The following TNC variants were observed in gnomAD, a reference collection of about 807,000 sequenced individuals.
TNC encodes the protein tenascin C.
Under a neutral mutation model 202.4 loss-of-function variants are expected in TNC, and 109 were observed. The observed-to-expected ratio is 0.54, with a 90% CI of 0.46 to 0.63. The LOEUF (loss-of-function observed/expected upper bound fraction) is 0.63. TNC is among the 30% of genes least tolerant of loss of function. TNC has a pLI of 0.00. For missense variants in TNC, 2,756 were observed against 2,833.3 expected, an observed-to-expected ratio of 0.97 and a Z score of 0.62; for synonymous variants, 1,007 against 1,089.7, an observed-to-expected ratio of 0.92 and a Z score of 1.50.
At chr9:115,093,334 A>G (rs1835373240) in intron 1 of TNC, among the ~76,000 whole-genome samples, 1 of 152,214 alleles carries the variant, frequency 6.6e-6, no homozygotes, top group Admixed American at 6.5e-5. Context: ...AACAACAACA[A>G]AAACAAAGAA....
Position 115,029,443 on chromosome 9 carries a change from C to A in TNC, c.6086G>T (p.Arg2029Leu). Residue 2029 changes from arginine (R) to leucine (L), a missense_variant, in exon 25 of 28, where the codon CGC (arginine) becomes CTC (leucine). Coordinates refer to ENST00000350763, the MANE Select transcript of TNC (RefSeq NM_002160.4). ...GTAGAAGTTCTCGCGTCCGTTTTTG[C>A]GTCTCAGGAACACCTATAAACATAT... is the stretch of plus-strand genomic sequence containing the variant. Reference protein sequence around the residue: ...DGGGWIVFLRRKNGRENFYQN... With the variant: ...DGGGWIVFLRLKNGRENFYQN... The A allele has an allele frequency of 6.2e-7, 1 of 1,614,040 alleles. No homozygotes were observed.
At chr9:115,027,838 C>A (rs1334494852) in intron 25 of TNC, among the ~76,000 whole-genome samples, 1 of 152,016 alleles carries the variant, frequency 6.6e-6, no homozygotes, top group Non-Finnish European at 1.5e-5. Context: ...ATTGGTTAGA[C>A]TCCTATGGGC....
intron 16 of TNC, among the ~76,000 whole-genome samples, chr9:115,047,552 C>T (rs953673441): frequency 1.2e-4 from 18 of 152,110 alleles, no homozygotes; most frequent in African/African-American, 3.6e-4. Flanking sequence ...TCTGAAAAGC[C>T]GTGCAGTTAA....
intron 10 of TNC, among the ~76,000 whole-genome samples, chr9:115,073,209 A>C (rs943165135): frequency 2.0e-5 from 3 of 152,262 alleles, no homozygotes; most frequent in African/African-American, 7.2e-5. Context: ...CATCTTGGTC[A>C]TCTTTAAATG....
chr9:115,066,555 A>G (rs1554805106), intron 10 of TNC, among the ~76,000 whole-genome samples: 3 of 152,148 alleles, frequency 2.0e-5, no homozygotes, highest in Non-Finnish European at 4.4e-5. Context: ...TCTGGGGAAC[A>G]TTCTTCCTGC....
At position 115,070,046 on chromosome 9, in the gene TNC, G is replaced by A. The variant is rs75631138; in HGVS notation, c.3214+3557C>T. Among the ~76,000 whole-genome samples, 542 of 151,936 alleles carry A rather than the reference G, an allele frequency of 3.6e-3. 2 individuals carry two copies. Among genetic ancestry groups the A allele is most frequent in the African/African-American group, 0.013 (520 of 41,440 alleles). ...CTCATGAAGCTCATACCACATACTT[G>A]TCTGCCTTCAGGGCACTGGGATTCA... On this transcript the variant is annotated intron_variant, in intron 10 of 27. Coordinates refer to ENST00000350763, the MANE Select transcript of TNC (RefSeq NM_002160.4).
In TNC at chr9:115,087,038, G is replaced by A. The variant is rs769090541; in HGVS notation, c.693C>T (p.Cys231=). Reference sequence around the variant, plus strand: ...CGAAACAGATGCAGACTCCATTTACGCACTTGCCCTGGTCATTGCAGTCGC... The same window carrying A: ...CGAAACAGATGCAGACTCCATTTACACACTTGCCCTGGTCATTGCAGTCGC... ...CPSDCNDQGK[C]VNGVCICFEG... The change falls in exon 3 of 28, where the codon TGC becomes TGT. Residue 231 remains cysteine (C), a synonymous_variant. Coordinates refer to ENST00000350763, the MANE Select transcript of TNC (RefSeq NM_002160.4). The A allele has an allele frequency of 1.1e-5, 18 of 1,613,306 alleles. No homozygotes were observed. The highest frequency in any genetic ancestry group is 2.7e-5 in the African/African-American group (2 of 74,904).
chr9:115,064,056 T>C lies in TNC; in HGVS notation c.3500A>G (p.Asn1167Ser). ...CTCGGCCACCACGACCTCTCCCAAA[T>C]TGGGAGTTTCCCCTGGAGAAGGACA... ...SAEASTGETP[N>S]LGEVVVAEVG... Residue 1167 changes from asparagine to serine, a missense_variant, in exon 12 of 28, where the codon AAT (asparagine) becomes AGT (serine). Coordinates refer to ENST00000350763, the MANE Select transcript of TNC (RefSeq NM_002160.4). 6.2e-7 allele frequency: 1 copy of C among 1,607,054 alleles called. No individual in the cohort carries two copies. The highest frequency in any genetic ancestry group is 8.5e-7 in the Non-Finnish European group (1 of 1,175,306).
In TNC at chr9:115,090,605, C is replaced by T. The variant is rs1471777965; in HGVS notation, c.414G>A (p.Glu138=). The T allele has an allele frequency of 2.5e-6, 4 of 1,599,718 alleles. No homozygotes were observed. The highest frequency in any genetic ancestry group is 1.1e-5 in the South Asian group (1 of 88,268). The change falls in exon 2 of 28, where the codon GAG becomes GAA. Residue 138 remains glutamate (E), a synonymous_variant. Coordinates refer to ENST00000350763, the MANE Select transcript of TNC (RefSeq NM_002160.4). The part of the protein sequence containing the change: ...ELENLVSSLR[E]QCTAGAGCCL... ...AGCAGCCTGCTCCTGCAGTACATTGCTCCCTCAGGGAAGACACCAGGTTCT... is the reference window on the plus strand; with the variant it reads ...AGCAGCCTGCTCCTGCAGTACATTGTTCCCTCAGGGAAGACACCAGGTTCT...
rs1193494347 is a variant in TNC, at chr9:115,086,413, G to T, written c.1318C>A (p.Pro440Thr). 6.2e-7 allele frequency: 1 copy of T among 1,613,818 alleles called. No homozygotes were observed. Among genetic ancestry groups the T allele is most frequent in the Non-Finnish European group, 8.5e-7 (1 of 1,179,980 alleles). The change falls in exon 3 of 28, where the codon CCC becomes ACC. Residue 440 changes from proline to threonine, a missense_variant. Physicochemically the swap from Pro to Thr is conservative, Grantham distance 38. This residue lies in a region of TNC where 2,559 missense variants were observed against 2,546.0 expected (regional missense o/e 1.01). Coordinates refer to ENST00000350763, the MANE Select transcript of TNC (RefSeq NM_002160.4). The part of the protein sequence containing the change: ...TGEDCSQLRC[P>T]NDCHSRGRCV... ...CGGCCCCGACTGTGACAGTCATTGG[G>T]GCACCGTAGCTGGCTGCAGTCCTCC...
rs959448163 is a variant in TNC, at chr9:115,086,228, G to A, written c.1503C>T (p.Cys501=). 1.9e-6 allele frequency: 3 copies of A among 1,614,052 alleles called. No individual in the cohort carries two copies. The highest frequency in any genetic ancestry group is 2.7e-5 in the African/African-American group (2 of 74,926). ...YTGEDCRDRQ[C]PRDCSNRGLC... The stretch of plus-strand genomic sequence containing the variant: ...GGCCCCTGTTGCTGCAGTCCCTGGG[G>A]CATTGGCGATCCCGGCAGTCTTCCC... Residue 501 remains cysteine (C), a synonymous_variant, in exon 3 of 28, where the codon TGC becomes TGT. Transcript: ENST00000350763.
chr9:115,067,003 G>C (rs549537004), intron 10 of TNC, among the ~76,000 whole-genome samples: 2 of 152,286 alleles, frequency 1.3e-5, no homozygotes, highest in Non-Finnish European at 2.9e-5. Flanking sequence ...ATATCCTAAA[G>C]CTTACACCAG....
Position 115,086,016 on chromosome 9 carries a change from C to T in TNC, c.1715G>A (p.Arg572His), listed in dbSNP as rs146173400. Residue 572 changes from arginine (R) to histidine (H), a missense_variant, in exon 3 of 28, where the codon CGC becomes CAC. Coordinates refer to ENST00000350763, the MANE Select transcript of TNC (RefSeq NM_002160.4). Reference protein sequence around the residue: ...RCPSDCHGQGRCVDGQCICHE... With the variant: ...RCPSDCHGQGHCVDGQCICHE... ...GCAGATGCACTGGCCGTCCACGCAG[C>T]GGCCCTGGCCATGACAGTCACTGGG... The T allele has an allele frequency of 3.7e-4, 598 of 1,613,932 alleles. No individual in the cohort carries two copies. Among genetic ancestry groups the T allele is most frequent in the African/African-American group, 1.6e-3 (119 of 75,062 alleles).
Position 115,024,714 on chromosome 9 carries a change from AT to A in TNC, c.6332-579del, listed in dbSNP as rs1327155490. 2.6e-5 allele frequency among the ~76,000 whole-genome samples: 4 copies of A among 152,338 alleles called. No individual in the cohort carries two copies. The East Asian group carries it at 5.8e-4, about 22-fold the overall frequency. Reference sequence around the variant, plus strand: ...CCCTTCAGACATTAGATGTCCCTAAATAGTCTCTGTATCACATAGTTACTTT... The same window carrying A: ...CCCTTCAGACATTAGATGTCCCTAAAAGTCTCTGTATCACATAGTTACTTT... On this transcript the variant is annotated intron_variant, in intron 26 of 27. Coordinates refer to ENST00000350763, the MANE Select transcript of TNC (RefSeq NM_002160.4).
chr9:115,086,994 T>C lies in TNC; in HGVS notation c.737A>G (p.Asp246Gly). 6.2e-7 allele frequency: 1 copy of C among 1,614,192 alleles called. No homozygotes were observed. Among genetic ancestry groups the C allele is most frequent in the South Asian group, 1.1e-5 (1 of 91,090 alleles). The stretch of plus-strand genomic sequence containing the variant: ...CACTGGGCAGATTTCACGGCTGCAG[T>C]CAGCCCCGGCGTAGCCTTCGAAACA... The part of the protein sequence containing the change: ...CICFEGYAGA[D>G]CSREICPVPC... The change falls in exon 3 of 28, where the codon GAC becomes GGC. Residue 246 changes from aspartate (D) to glycine (G), a missense_variant. This residue lies in a region of TNC where 2,559 missense variants were observed against 2,546.0 expected (regional missense o/e 1.01). Coordinates refer to ENST00000350763, the MANE Select transcript of TNC (RefSeq NM_002160.4).
intron 27 of TNC, 132 bp from the exon 28 acceptor site, chr9:115,021,399 T>C: frequency 1.6e-6 from 1 of 644,314 alleles, no homozygotes; most frequent in Non-Finnish European, 2.7e-6. Context: ...AATTTGACCA[T>C]TTGGTATATC....
At chr9:115,116,191 T>G (rs1250021) in intron 1 of TNC, among the ~76,000 whole-genome samples, 87,604 of 151,988 alleles carry the variant, frequency 0.58, 25,727 homozygotes, top group African/African-American at 0.67. Flanking sequence ...GAGGTTAGTG[T>G]GGGATAAAAT....
At chr9:115,047,983 AG>A (rs1191696319) in intron 16 of TNC, among the ~76,000 whole-genome samples, 1 of 152,194 alleles carries the variant, frequency 6.6e-6, no homozygotes, top group Non-Finnish European at 1.5e-5. Flanking sequence ...CGATGATATG[AG>A]GTAAGCACAC....
intron 2 of TNC, 94 bp downstream of exon 2, chr9:115,090,468 T>A: frequency 2.9e-6 from 3 of 1,024,690 alleles, no homozygotes; most frequent in Non-Finnish European, 4.3e-6. Context: ...AGTTTTCTAG[T>A]GAGCCCACTT....
Sources: allele counts gnomAD v4.1 joint callset (sites outside exome capture counted in the v4.1 genomes callset), GRCh38; gene constraint gnomAD v4.1.1; regional missense constraint gnomAD v4.1.1; transcripts MANE v1.5; gene names NCBI Gene and HGNC (gene_info 2026-07-23, HGNC 2026-07-21).